Variants in MTHFD2L observed in about 807,000 individuals in gnomAD.
MTHFD2L encodes the protein methylenetetrahydrofolate dehydrogenase (NADP+ dependent) 2 like, also known as bifunctional methylenetetrahydrofolate dehydrogenase/cyclohydrolase 2, mitochondrial.
Under a neutral mutation model 34.9 loss-of-function variants are expected in MTHFD2L, and 29 were observed. The observed-to-expected ratio is 0.83, with a 90% CI of 0.62 to 1.13. The LOEUF is 1.13. Among genes scored for constraint, MTHFD2L ranks in the 50% most tolerant of loss-of-function variants. MTHFD2L has a pLI of 0.00. For synonymous variants in MTHFD2L, 167 were observed against 155.7 expected (o/e 1.07, Z -0.54); for missense variants, 481 against 446.5 (o/e 1.08, Z -0.70).
intron 5 of MTHFD2L, among the ~76,000 whole-genome samples, chr4:74,211,557 T>C (rs1263030127): frequency 1.3e-5 from 2 of 152,232 alleles, no homozygotes; most frequent in Non-Finnish European, 2.9e-5. Context: ...CCAGTTAAGC[T>C]TTTTCATGTG....
chr4:74,243,681 A>AT (rs903949769), intron 6 of MTHFD2L, among the ~76,000 whole-genome samples: 5 of 151,504 alleles, frequency 3.3e-5, no homozygotes, highest in African/African-American at 1.2e-4. Flanking sequence ...ATGTTGTTTT[A>AT]TTTTTTGTTT....
upstream of MTHFD2L, among the ~76,000 whole-genome samples, chr4:74,156,076 T>C (rs1724227920): frequency 6.6e-6 from 1 of 151,940 alleles, no homozygotes; most frequent in African/African-American, 2.4e-5. Flanking sequence ...AATTTTCCAA[T>C]GTGAATAATA....
At chr4:74,141,222 A>G (rs1469081728) in intron 1 of MTHFD2L, among the ~76,000 whole-genome samples, 3 of 152,170 alleles carry the variant, frequency 2.0e-5, no homozygotes, top group African/African-American at 7.2e-5. Flanking sequence ...AAAGTTGCTC[A>G]GCAAGAATCG....
In MTHFD2L at chr4:74,300,854, C is replaced by G. The variant is rs186686993; in HGVS notation, c.932-843C>G. 7.2e-4 allele frequency among the ~76,000 whole-genome samples: 109 copies of G among 152,200 alleles called. 2 individuals are homozygous for G. The highest frequency in any genetic ancestry group is 7.1e-3 in the Admixed American group (109 of 15,256). On this transcript the variant is annotated intron_variant, in intron 7 of 7. Transcript: ENST00000325278. Reference sequence around the variant, plus strand: ...ATACCTTAGTCTAGGCTACCATAAACATGCTCAGAACACTTACATTAGCCT... The same window carrying G: ...ATACCTTAGTCTAGGCTACCATAAAGATGCTCAGAACACTTACATTAGCCT...
chr4:74,248,831 C>G (rs1375917679), intron 6 of MTHFD2L, among the ~76,000 whole-genome samples: 1 of 151,924 alleles, frequency 6.6e-6, no homozygotes, highest in Non-Finnish European at 1.5e-5. Flanking sequence ...TTTGATTGCA[C>G]TGTGGTCTGA....
intron 1 of MTHFD2L, among the ~76,000 whole-genome samples, chr4:74,165,532 A>G (rs1204987956): frequency 2.0e-5 from 3 of 151,844 alleles, no homozygotes; most frequent in Non-Finnish European, 2.9e-5. Flanking sequence ...TAATTTTTCT[A>G]TTTTTAGTAG....
chr4:74,269,808 A>G (rs144051323), intron 6 of MTHFD2L, among the ~76,000 whole-genome samples: 2 of 152,272 alleles, frequency 1.3e-5, no homozygotes, highest in African/African-American at 4.8e-5. Context: ...AGACTTGTCA[A>G]AAGTGTGATA....
chr4:74,236,480 C>T (rs1232447778), intron 6 of MTHFD2L, among the ~76,000 whole-genome samples: 1 of 152,196 alleles, frequency 6.6e-6, no homozygotes, highest in Non-Finnish European at 1.5e-5. Context: ...TCTAGCCATC[C>T]AGTGTATTCT....
At chr4:74,180,608 C>T in intron 3 of MTHFD2L, 1 of 355,738 alleles carries the variant, frequency 2.8e-6, no homozygotes, top group Non-Finnish European at 6.3e-6. Flanking sequence ...ATTTGAGCAA[C>T]AAGCAAAGAA....
intron 6 of MTHFD2L, among the ~76,000 whole-genome samples, chr4:74,247,478 T>A (rs1578605826): frequency 6.6e-6 from 1 of 152,112 alleles, no homozygotes; most frequent in East Asian, 1.9e-4. Context: ...TATTTCCTTC[T>A]CCTGCCTAAT....
intron 1 of MTHFD2L, among the ~76,000 whole-genome samples, chr4:74,132,574 A>G (rs577504636): frequency 6.6e-6 from 1 of 152,100 alleles, no homozygotes; most frequent in African/African-American, 2.4e-5. Context: ...AACATCACAC[A>G]CCAGGGCCTG....
chr4:74,254,600 A>AAAG (rs1346524889), intron 6 of MTHFD2L, among the ~76,000 whole-genome samples: 2 of 151,460 alleles, frequency 1.3e-5, no homozygotes, highest in Admixed American at 6.6e-5. Flanking sequence ...AAAAAAAAAA[A>AAAG]TGCTGAGGGA....
intron 1 of MTHFD2L, among the ~76,000 whole-genome samples, chr4:74,128,170 T>C (rs912062430): frequency 6.6e-6 from 1 of 152,270 alleles, no homozygotes; most frequent in East Asian, 1.9e-4. Context: ...ATGGATAGTT[T>C]ATAAAAATTT....
chr4:74,116,077 T>A (rs1721651503), intron 2 of MTHFD2L, among the ~76,000 whole-genome samples: 1 of 152,206 alleles, frequency 6.6e-6, no homozygotes, highest in South Asian at 2.1e-4. Flanking sequence ...TTCACTCTGA[T>A]TATTGGAATA....
At chr4:74,160,109 C>T (rs1021829458) in intron 1 of MTHFD2L, 1 of 1,288,006 alleles carries the variant, frequency 7.8e-7, no homozygotes, top group South Asian at 1.2e-5. Flanking sequence ...TCTGCCTCCC[C>T]ACTTGTCCCC....
At chr4:74,262,851 C>A (rs1270885273) in intron 6 of MTHFD2L, among the ~76,000 whole-genome samples, 2 of 151,882 alleles carry the variant, frequency 1.3e-5, no homozygotes, top group Admixed American at 6.6e-5. Flanking sequence ...TTCATATGAC[C>A]TAGAGATTCC....
At chr4:74,136,175 T>C (rs1722916401) in intron 1 of MTHFD2L, among the ~76,000 whole-genome samples, 1 of 151,758 alleles carries the variant, frequency 6.6e-6, no homozygotes, top group African/African-American at 2.4e-5. Flanking sequence ...GAAAACCAAA[T>C]TGGAAAGGTA....
At chr4:74,135,613 G>C (rs1327684737) in intron 1 of MTHFD2L, among the ~76,000 whole-genome samples, 1 of 151,962 alleles carries the variant, frequency 6.6e-6, no homozygotes, top group South Asian at 2.1e-4. Flanking sequence ...ACTTCAAAAC[G>C]ATTAAAGAGG....
At chr4:74,153,724 T>C (rs1037816399), upstream of MTHFD2L, among the ~76,000 whole-genome samples, 3 of 152,184 alleles carry the variant, frequency 2.0e-5, no homozygotes, top group African/African-American at 7.2e-5. Flanking sequence ...GATTCTAATA[T>C]ATACCTACCC....
Sources: gnomAD v4.1 joint callset for allele counts (sites outside exome capture counted in the v4.1 genomes callset) on GRCh38, gnomAD v4.1.1 for gene constraint, MANE v1.5 for transcripts, NCBI Gene and HGNC (gene_info 2026-07-23, HGNC 2026-07-21) for gene names.